C1orf232: variants seen among roughly 807,000 people sequenced by gnomAD.
C1orf232 encodes uncharacterized protein C1orf232.
A neutral mutation model predicts 12.1 loss-of-function variants in C1orf232; 10 were observed. That is an observed-to-expected ratio of 0.82 (90% CI 0.51 to 1.40). The LOEUF is 1.40. Ranked by LOEUF, C1orf232 falls within the 40% of genes most tolerant of loss-of-function variation. The probability of loss-of-function intolerance (pLI) is 0.00; values close to 1 mark genes in which losing one functional copy is unlikely to be tolerated. For missense variants in C1orf232, 88 were observed against 98.4 expected (o/e 0.89, Z 0.45); for synonymous variants, 36 against 39.8 (o/e 0.90, Z 0.36).
rs1037730699 is a variant in C1orf232, at chr1:26,168,599, T to C, written c.-100A>G. On this transcript the variant is annotated 5_prime_UTR_variant, in exon 1 of 4. Coordinates refer to ENST00000634842, the MANE Select transcript of C1orf232 (RefSeq NM_001364669.2). ...TAGGAACTTGGTGAGGCCAAGAGCC[T>C]GTCCGAGGGATCCAGTGACTTCATT... The C allele has an allele frequency of 2.3e-5, 17 of 728,246 alleles. No individual in the cohort carries two copies. Among genetic ancestry groups the C allele is most frequent in the Non-Finnish European group, 3.0e-5 (16 of 528,598 alleles). The allele number at this position is 728,246 out of a possible 1,614,324, so 45.1% of individuals were successfully genotyped here.
chr1:26,166,338 C>CGTGTGT (rs138089817), intron 1 of C1orf232, among the ~76,000 whole-genome samples: 1 of 151,596 alleles, frequency 6.6e-6, no homozygotes, highest in African/African-American at 2.4e-5. Flanking sequence ...TTTGTGTGTG[C>CGTGTGT]GTGTGTGTGT....
At chr1:26,165,576 G>T in intron 3 of C1orf232, 1 of 519,904 alleles carries the variant, frequency 1.9e-6, no homozygotes, top group Non-Finnish European at 3.0e-6. Context: ...CAAGCGGATG[G>T]GTCGTGAGAG....
At chr1:26,166,240 CCT>C in intron 1 of C1orf232, 122 bp from the exon 2 acceptor site, 1 of 553,450 alleles carries the variant, frequency 1.8e-6, no homozygotes, top group Non-Finnish European at 2.7e-6. Context: ...TAAACACACA[CCT>C]ATACACTCCA....
At position 26,164,271 on chromosome 1, in the gene C1orf232, C is replaced by A. The variant is rs2088399102; in HGVS notation, c.451G>T (p.Ala151Ser). 2.5e-6 allele frequency: 1 copy of A among 398,320 alleles called. No homozygotes were observed. The highest frequency in any genetic ancestry group is 4.4e-6 in the Non-Finnish European group (1 of 225,850). 24.7% of individuals were successfully genotyped at this position (398,320 alleles called of 1,614,324 possible). Residue 151 changes from alanine to serine, a missense_variant, in exon 4 of 4, where the codon GCA (alanine) becomes TCA (serine). By Grantham distance (99) the Ala-to-Ser change is moderately conservative. Coordinates refer to ENST00000634842, the MANE Select transcript of C1orf232 (RefSeq NM_001364669.2). This position sits in a 1 kb window ranked among gnomAD's most constrained non-coding sequence, Gnocchi z 4.2. Reference protein sequence around the residue: ...EPADEAAEEAAERPESQEAEP... With the variant: ...EPADEAAEEASERPESQEAEP... ...GCCTCCTGCGACTCGGGGCGCTCTG[C>A]GGCCTCCTCCGCGGCCTCGTCCGCG...
rs372085909 is a variant in C1orf232, at chr1:26,164,110, A to G, written c.*51T>C. On this transcript the variant is annotated 3_prime_UTR_variant, in exon 4 of 4. Coordinates refer to ENST00000634842, the MANE Select transcript of C1orf232 (RefSeq NM_001364669.2). The surrounding 1 kb of genome is among the most constrained non-coding windows in gnomAD (Gnocchi z 4.2). ...ACGCGGTCACACAGGCTGTCGGGCC[A>G]GGGTTTTTTATCAGGGGTGGGAGCA... 8.5e-5 allele frequency: 34 copies of G among 397,928 alleles called. No individual in the cohort carries two copies. Among genetic ancestry groups the G allele is most frequent in the South Asian group, 6.4e-4 (5 of 7,752 alleles). The allele number at this position is 397,928 out of a possible 1,614,324, so 24.6% of individuals were successfully genotyped here. A position where few individuals can be genotyped will look rare whatever the true frequency, so the allele number is the denominator to read the frequency against.
Position 26,165,811 on chromosome 1 carries a change from C to T in C1orf232, c.266+15G>A. ...AGGCCCCTTCCAGAACCACCACAAACACACACGCACATACTGGTCAGCGCA... is the reference window on the plus strand; with the variant it reads ...AGGCCCCTTCCAGAACCACCACAAATACACACGCACATACTGGTCAGCGCA... On this transcript the variant is annotated intron_variant, in intron 3 of 3. Coordinates refer to ENST00000634842, the MANE Select transcript of C1orf232 (RefSeq NM_001364669.2). The T allele has an allele frequency of 8.1e-7, 1 of 1,231,886 alleles. No homozygotes were observed. Among genetic ancestry groups the T allele is most frequent in the Non-Finnish European group, 1.0e-6 (1 of 988,052 alleles). 76.3% of individuals were successfully genotyped at this position (1,231,886 alleles called of 1,614,324 possible).
Position 26,164,176 on chromosome 1 carries a change from C to T in C1orf232, c.546G>A (p.Ala182=), listed in dbSNP as rs867668740. Reference sequence around the variant, plus strand: ...TGCCAGCCTGCTAGTCACCCTTGGGCGCAGCCTTCACCCTCATCTCGGCCA... The same window carrying T: ...TGCCAGCCTGCTAGTCACCCTTGGGTGCAGCCTTCACCCTCATCTCGGCCA... ...HKLAEMRVKA[A]PKGD is the part of the protein sequence containing the mutation. The change falls in exon 4 of 4, where the codon GCG becomes GCA. Residue 182 remains alanine (A), a synonymous_variant. Coordinates refer to ENST00000634842, the MANE Select transcript of C1orf232 (RefSeq NM_001364669.2). The surrounding 1 kb of genome is among the most constrained non-coding windows in gnomAD (Gnocchi z 4.2). 1 of 398,450 alleles carries T rather than the reference C, an allele frequency of 2.5e-6. No homozygotes were observed. The highest frequency in any genetic ancestry group is 2.1e-5 in the African/African-American group (1 of 48,742). The allele number at this position is 398,450 out of a possible 1,614,324, so 24.7% of individuals were successfully genotyped here. A position where few individuals can be genotyped will look rare whatever the true frequency, so the allele number is the denominator to read the frequency against.
In C1orf232 at chr1:26,166,099, A is replaced by G; in HGVS notation, c.104T>C (p.Val35Ala). 8.1e-7 allele frequency: 1 copy of G among 1,231,612 alleles called. No homozygotes were observed. The highest frequency in any genetic ancestry group is 1.0e-6 in the Non-Finnish European group (1 of 987,974). 76.3% of individuals were successfully genotyped at this position (1,231,612 alleles called of 1,614,324 possible). Residue 35 changes from valine (V) to alanine (A), a missense_variant, in exon 2 of 4, where the codon GTG (valine) becomes GCG (alanine). By Grantham distance (64) the Val-to-Ala change is moderately conservative (BLOSUM62 0). Transcript: ENST00000634842. ...LAEERENPALVGSETAEPTEE... is the reference protein window; with the variant it reads ...LAEERENPALAGSETAEPTEE... ...GGTCGGTTCTGCTGTCTCAGACCCC[A>G]CTAATGCTGGGTTCTCCCTCTGGGA...
intron 1 of C1orf232, among the ~76,000 whole-genome samples, chr1:26,166,388 G>A (rs899070088): frequency 6.6e-6 from 1 of 151,886 alleles, no homozygotes; most frequent in African/African-American, 2.4e-5. Context: ...GTGCGATCTC[G>A]GCTCACTGCA....
At chr1:26,167,409 C>G (rs910514536) in intron 1 of C1orf232, among the ~76,000 whole-genome samples, 1 of 151,772 alleles carries the variant, frequency 6.6e-6, no homozygotes, top group Admixed American at 6.6e-5. Context: ...AGGCTGGTCT[C>G]GAAATCCTGG....
rs1035790093 is a variant in C1orf232, at chr1:26,164,251, C to T, written c.471G>A (p.Gln157=). The change falls in exon 4 of 4, where the codon CAG becomes CAA. Residue 157 remains glutamine, a synonymous_variant. Transcript: ENST00000634842. This position sits in a 1 kb window ranked among gnomAD's most constrained non-coding sequence, Gnocchi z 4.2. The part of the protein sequence containing the change: ...AEEAAERPES[Q]EAEPVAGFKW... ...TGAAGCCGGCCACCGGCTCGGCCTC[C>T]TGCGACTCGGGGCGCTCTGCGGCCT... is the stretch of plus-strand genomic sequence containing the variant. 2 of 398,402 alleles carry T rather than the reference C, an allele frequency of 5.0e-6. No homozygotes were observed. The highest frequency in any genetic ancestry group is 4.4e-5 in the Admixed American group (1 of 22,712). The allele number at this position is 398,402 out of a possible 1,614,324, so 24.7% of individuals were successfully genotyped here. A position where few individuals can be genotyped will look rare whatever the true frequency, so the allele number is the denominator to read the frequency against.
In C1orf232 at chr1:26,165,912, G is replaced by A. The variant is rs557037727; in HGVS notation, c.180C>T (p.Val60=). The change falls in exon 3 of 4, where the codon GTC becomes GTT. Residue 60 remains valine, a synonymous_variant. Transcript: ENST00000634842. Reference sequence around the variant, plus strand: ...ACATTGTCAGCCAGCCTTTCACCCCGACCCCCTGAACCTGGGAAAGGGGTT... The same window carrying A: ...ACATTGTCAGCCAGCCTTTCACCCCAACCCCCTGAACCTGGGAAAGGGGTT... ...MSQLARRVQG[V]GVKGWLTMSS... is the part of the protein sequence containing the mutation. 16 of 1,231,686 alleles carry A rather than the reference G, an allele frequency of 1.3e-5. No individual in the cohort carries two copies. Among genetic ancestry groups the A allele is most frequent in the Admixed American group, 4.2e-5 (1 of 23,702 alleles). 76.3% of individuals were successfully genotyped at this position (1,231,686 alleles called of 1,614,324 possible). A position where few individuals can be genotyped will look rare whatever the true frequency, so the allele number is the denominator to read the frequency against.
At chr1:26,165,170 C>T (rs186627050) in intron 3 of C1orf232, among the ~76,000 whole-genome samples, 1 of 151,256 alleles carries the variant, frequency 6.6e-6, no homozygotes, top group Admixed American at 6.6e-5. Flanking sequence ...TCATGGGGAC[C>T]CTAGGAGAAA....
chr1:26,165,813 C>A lies in C1orf232; in HGVS notation c.266+13G>T, dbSNP rs1215177751. ...GCCCCTTCCAGAACCACCACAAACACACACGCACATACTGGTCAGCGCAAG... is the reference window on the plus strand; with the variant it reads ...GCCCCTTCCAGAACCACCACAAACAAACACGCACATACTGGTCAGCGCAAG... On this transcript the variant is annotated intron_variant, in intron 3 of 3. Transcript: ENST00000634842. The A allele has an allele frequency of 1.6e-6, 2 of 1,231,824 alleles. No homozygotes were observed. Among genetic ancestry groups the A allele is most frequent in the African/African-American group, 1.6e-5 (1 of 64,418 alleles). 76.3% of individuals were successfully genotyped at this position (1,231,824 alleles called of 1,614,324 possible).
intron 1 of C1orf232, among the ~76,000 whole-genome samples, chr1:26,166,982 A>G (rs2088434563): frequency 6.6e-6 from 1 of 152,228 alleles, no homozygotes; most frequent in Non-Finnish European, 1.5e-5. Flanking sequence ...AAATGTTCAC[A>G]CCTTCACATA....
rs1028440805 is a variant in C1orf232 at position 26,164,719 on chromosome 1, G to T, written c.267-264C>A. 1.1e-3 allele frequency among the ~76,000 whole-genome samples: 173 copies of T among 152,192 alleles called. No individual in the cohort carries two copies. Among genetic ancestry groups the T allele is most frequent in the African/African-American group, 3.9e-3 (164 of 41,542 alleles). ...ATTAGGCGAGGGATGTGGAGGGAGG[G>T]GACCGGGATCAGGATCCCTGGGGAG... On this transcript the variant is annotated intron_variant, in intron 3 of 3. Coordinates refer to ENST00000634842, the MANE Select transcript of C1orf232 (RefSeq NM_001364669.2). This position sits in a 1 kb window ranked among gnomAD's most constrained non-coding sequence, Gnocchi z 4.2.
Position 26,164,134 on chromosome 1 carries a change from C to A in C1orf232, c.*27G>T, listed in dbSNP as rs1334136058. The A allele has an allele frequency of 7.5e-6, 3 of 398,214 alleles. No homozygotes were observed. Among genetic ancestry groups the A allele is most frequent in the Admixed American group, 4.4e-5 (1 of 22,730 alleles). 24.7% of individuals were successfully genotyped at this position (398,214 alleles called of 1,614,324 possible). A position where few individuals can be genotyped will look rare whatever the true frequency, so the allele number is the denominator to read the frequency against. On this transcript the variant is annotated 3_prime_UTR_variant, in exon 4 of 4. Transcript: ENST00000634842. The surrounding 1 kb of genome is among the most constrained non-coding windows in gnomAD (Gnocchi z 4.2). ...CAGGGTTTTTTATCAGGGGTGGGAG[C>A]AGCGGGCGCGGGGTTCTGCCAGCCT...
Position 26,165,776 on chromosome 1 carries a change from G to A in C1orf232, c.266+50C>T, listed in dbSNP as rs1311965492. On this transcript the variant is annotated intron_variant, in intron 3 of 3. Coordinates refer to ENST00000634842, the MANE Select transcript of C1orf232 (RefSeq NM_001364669.2). ...ACCAGAAGGAAAGGACCAGGCAGAA[G>A]GGGGACCTCAGGCCCCTTCCAGAAC... 6.5e-6 allele frequency: 8 copies of A among 1,231,706 alleles called. No individual in the cohort carries two copies. The Admixed American group carries it at 1.3e-4, about 19-fold the overall frequency. The allele number at this position is 1,231,706 out of a possible 1,614,324, so 76.3% of individuals were successfully genotyped here.
At chr1:26,168,123 G>A (rs2088445221) in intron 1 of C1orf232, among the ~76,000 whole-genome samples, 1 of 152,096 alleles carries the variant, frequency 6.6e-6, no homozygotes, top group South Asian at 2.1e-4. Context: ...CCAGCTAAGT[G>A]TGCCCGTGTG....
Sources: allele counts gnomAD v4.1 joint callset (sites outside exome capture counted in the v4.1 genomes callset), GRCh38; gene constraint gnomAD v4.1.1; non-coding constraint Gnocchi (gnomAD v3.1); transcripts MANE v1.5; gene names NCBI Gene and HGNC (gene_info 2026-07-23, HGNC 2026-07-21).